Variants in CFAP90 observed in about 807,000 individuals in gnomAD.
The protein encoded by CFAP90 is cilia and flagella associated protein 90, also known as cilia- and flagella-associated protein 90.
At chr5:7,835,000 T>C in the CFAP90 span, among the ~76,000 whole-genome samples, 4 of 152,212 alleles carry the variant, frequency 2.6e-5, no homozygotes, top group African/African-American at 9.6e-5. Flanking sequence ...ATTGCAGGTT[T>C]GGTTCTAAAC....
At chr5:7,850,820 C>T in the CFAP90 span, 18 of 1,225,116 alleles carry the variant, frequency 1.5e-5, no homozygotes, top group African/African-American at 2.5e-4. Flanking sequence ...GCCCAGCCGC[C>T]CAGCCGCCCA....
At chr5:7,833,587 C>T in the CFAP90 span, among the ~76,000 whole-genome samples, 1,340 of 152,066 alleles carry the variant, frequency 8.8e-3, 16 homozygotes, top group African/African-American at 0.031. Flanking sequence ...AACATATGTA[C>T]AACATATACA....
chr5:7,851,025 G>C, the CFAP90 span: 1 of 1,251,518 alleles, frequency 8.0e-7, no homozygotes, highest in Non-Finnish European at 1.0e-6. Context: ...CCTCCATGCC[G>C]CCACCGTCCA....
At chr5:7,845,277 T>C in the CFAP90 span, among the ~76,000 whole-genome samples, 1 of 152,190 alleles carries the variant, frequency 6.6e-6, no homozygotes, top group African/African-American at 2.4e-5. Context: ...AGATGAGATT[T>C]GGGTGGGGAC....
At chr5:7,839,330 C>T in the CFAP90 span, among the ~76,000 whole-genome samples, 27 of 152,254 alleles carry the variant, frequency 1.8e-4, no homozygotes, top group East Asian at 1.7e-3. Context: ...GTGGATGGCA[C>T]GAACAGCAGG....
At chr5:7,831,944 A>G in the CFAP90 span, 107 of 1,614,122 alleles carry the variant, frequency 6.6e-5, no homozygotes, top group South Asian at 1.1e-3. Flanking sequence ...GGCACGGCCA[A>G]AGTCCCGGTT....
chr5:7,849,770 C>A, the CFAP90 span, among the ~76,000 whole-genome samples: 1 of 152,160 alleles, frequency 6.6e-6, no homozygotes, highest in African/African-American at 2.4e-5. Context: ...TCCAGCCCTC[C>A]CTGCAGGCGG....
At chr5:7,833,567 C>A in the CFAP90 span, among the ~76,000 whole-genome samples, 1 of 152,008 alleles carries the variant, frequency 6.6e-6, no homozygotes, top group Admixed American at 6.5e-5. Flanking sequence ...TACACATATG[C>A]CCACACACAA....
the CFAP90 span, among the ~76,000 whole-genome samples, chr5:7,843,448 A>G: frequency 1.3e-5 from 2 of 152,198 alleles, no homozygotes; most frequent in Non-Finnish European, 2.9e-5. Flanking sequence ...TAAATTTTCA[A>G]ATAATCTGGA....
the CFAP90 span, among the ~76,000 whole-genome samples, chr5:7,838,795 G>C: frequency 6.6e-6 from 1 of 152,114 alleles, no homozygotes; most frequent in Non-Finnish European, 1.5e-5. Context: ...TGAACCCCTG[G>C]GAGAAAGCTA....
chr5:7,835,384 C>T, the CFAP90 span: 1 of 1,546,484 alleles, frequency 6.5e-7, no homozygotes, highest in Non-Finnish European at 8.9e-7. Flanking sequence ...AATATTACCT[C>T]TTCGTTAACA....
chr5:7,835,876 A>G, the CFAP90 span, among the ~76,000 whole-genome samples: 302 of 152,310 alleles, frequency 2.0e-3, 2 homozygotes, highest in African/African-American at 6.8e-3. Flanking sequence ...ACAAAATACC[A>G]TATAGACTGG....
chr5:7,842,086 T>C, the CFAP90 span, among the ~76,000 whole-genome samples: 1 of 152,068 alleles, frequency 6.6e-6, no homozygotes, highest in African/African-American at 2.4e-5. Context: ...CCGTGGTACA[T>C]TTTATGGTAG....
chr5:7,834,436 A>C, the CFAP90 span, among the ~76,000 whole-genome samples: 1 of 152,232 alleles, frequency 6.6e-6, no homozygotes, highest in African/African-American at 2.4e-5. Flanking sequence ...AAAGTTTATA[A>C]GGTTAAGAAG....
chr5:7,849,075 C>T, the CFAP90 span, among the ~76,000 whole-genome samples: 1 of 152,180 alleles, frequency 6.6e-6, no homozygotes, highest in Admixed American at 6.5e-5. Context: ...TCCTAGTGGC[C>T]TCATTTTATT....
chr5:7,837,396 T>C, the CFAP90 span, among the ~76,000 whole-genome samples: 1 of 152,304 alleles, frequency 6.6e-6, no homozygotes, highest in East Asian at 1.9e-4. Context: ...TTTGGGAGCA[T>C]TAGGTCTCTA....
At chr5:7,832,102 GCCTGGGT>G in the CFAP90 span, 1 of 1,484,888 alleles carries the variant, frequency 6.7e-7, no homozygotes, top group Non-Finnish European at 9.2e-7. Flanking sequence ...GCATCCATCA[GCCTGGGT>G]CCTGGGAGCT....
the CFAP90 span, among the ~76,000 whole-genome samples, chr5:7,834,396 C>T: frequency 1.3e-5 from 2 of 152,046 alleles, no homozygotes; most frequent in Non-Finnish European, 2.9e-5. Flanking sequence ...AGCGTTACTA[C>T]AAAAGAGTCA....
At chr5:7,837,899 C>T in the CFAP90 span, among the ~76,000 whole-genome samples, 1 of 152,218 alleles carries the variant, frequency 6.6e-6, no homozygotes, top group Non-Finnish European at 1.5e-5. Context: ...AACCTCCAAC[C>T]AGGAGCTGTG....
Sources: allele counts gnomAD v4.1 joint callset (sites outside exome capture counted in the v4.1 genomes callset), GRCh38; gene constraint gnomAD v4.1.1; transcripts MANE v1.5; gene names NCBI Gene and HGNC (gene_info 2026-07-23, HGNC 2026-07-21).